NCOR2: variants seen among roughly 807,000 people sequenced by gnomAD.
NCOR2 encodes the protein CTG repeat protein 26.
Under a neutral mutation model 262.9 loss-of-function variants are expected in NCOR2, and 81 were observed. The ratio of observed to expected loss-of-function variants is 0.31; its 90% CI spans 0.26 to 0.37. The LOEUF is 0.37. Among genes scored for constraint, NCOR2 ranks in the 10% least tolerant of loss-of-function variants. The probability of loss-of-function intolerance (pLI) is 1.00; values close to 1 mark genes in which losing one functional copy is unlikely to be tolerated. For synonymous variants in NCOR2, 1,659 were observed against 1,559.3 expected (o/e 1.06, Z -1.51); for missense variants, 3,385 against 3,621.4 (o/e 0.93, Z 1.68).
At chr12:124,486,226 T>C in intron 2 of NCOR2, 1 of 593,362 alleles carries the variant, frequency 1.7e-6, no homozygotes, top group South Asian at 2.2e-5. Flanking sequence ...GCCACTGAAG[T>C]TCCACGCTGG....
At chr12:124,397,435 T>C (rs966956255) in intron 16 of NCOR2, among the ~76,000 whole-genome samples, 12 of 152,082 alleles carry the variant, frequency 7.9e-5, no homozygotes, top group African/African-American at 2.7e-4. Context: ...GGATCCGGCT[T>C]AGGAGGCACT....
intron 8 of NCOR2, among the ~76,000 whole-genome samples, chr12:124,434,006 C>T (rs1253550167): frequency 6.6e-6 from 1 of 152,046 alleles, no homozygotes; most frequent in Non-Finnish European, 1.5e-5. Context: ...GGAGAAGAAG[C>T]AGGCCAGCCA....
intron 22 of NCOR2, among the ~76,000 whole-genome samples, chr12:124,359,654 A>G (rs2038356753): frequency 6.6e-6 from 1 of 152,204 alleles, no homozygotes; most frequent in South Asian, 2.1e-4. Context: ...TGCTTCCTCC[A>G]GCCCAGTTCC....
At chr12:124,551,607 G>A (rs1037272129) in intron 1 of NCOR2, among the ~76,000 whole-genome samples, 1 of 152,188 alleles carries the variant, frequency 6.6e-6, no homozygotes, top group African/African-American at 2.4e-5. Flanking sequence ...TCCCCTGGCC[G>A]CCTCTTTGCC....
intron 20 of NCOR2, among the ~76,000 whole-genome samples, chr12:124,368,961 G>A (rs1379981437): frequency 3.3e-5 from 5 of 152,266 alleles, no homozygotes; most frequent in Non-Finnish European, 7.3e-5. Flanking sequence ...ATGCCAGAGG[G>A]ACAGCTGAAG....
rs770992301 is a variant in NCOR2 at position 124,340,059 on chromosome 12, T to C, written c.5634A>G (p.Thr1878=). The C allele has an allele frequency of 3.7e-6, 6 of 1,612,972 alleles. No individual in the cohort carries two copies. In the Admixed American group the frequency reaches 1.0e-4, roughly 27 times the overall value. Residue 1878 remains threonine, a synonymous_variant, in exon 37 of 47, where the codon ACA becomes ACG. Coordinates refer to ENST00000405201, the Ensembl canonical transcript of NCOR2. ...CAGCGGTGATGATACCCTTCATGCC[T>C]GTGTTGTGAAGCACACTGGGTCTCT...
chr12:124,470,028 TG>T (rs1468862834), intron 4 of NCOR2, among the ~76,000 whole-genome samples: 1 of 151,846 alleles, frequency 6.6e-6, no homozygotes, highest in Non-Finnish European at 1.5e-5. Context: ...TAGCTCGGTG[TG>T]GTGATGCACA....
chr12:124,364,804 T>C (rs1049317991), intron 20 of NCOR2, among the ~76,000 whole-genome samples: 2 of 152,222 alleles, frequency 1.3e-5, no homozygotes, highest in Admixed American at 6.5e-5. Flanking sequence ...GGCTGCCCAG[T>C]TCTTGACTCC....
chr12:124,554,390 C>A lies in NCOR2; in HGVS notation c.-165+12918G>T, dbSNP rs574704618. On this transcript the variant is annotated intron_variant, in intron 1 of 32. Transcript: ENST00000458234. ...GTCATGGCCCTCCAGCCTCCCACCACCCAGCTGGGCATCCAGACAGGGAAT... is the reference window on the plus strand; with the variant it reads ...GTCATGGCCCTCCAGCCTCCCACCAACCAGCTGGGCATCCAGACAGGGAAT... 3.4e-4 allele frequency among the ~76,000 whole-genome samples: 52 copies of A among 151,916 alleles called. 1 individual carries two copies. The highest frequency in any genetic ancestry group is 2.0e-3 in the Admixed American group (31 of 15,304).
chr12:124,328,135 G>C (rs1192268431), intron 44 of NCOR2, among the ~76,000 whole-genome samples: 1 of 152,100 alleles, frequency 6.6e-6, no homozygotes, highest in Non-Finnish European at 1.5e-5. Context: ...GGCTGGCTGG[G>C]GGCTGGGGAA....
intron 44 of NCOR2, 143 bp downstream of exon 46, chr12:124,330,702 T>C: frequency 1.2e-6 from 1 of 864,766 alleles, no homozygotes; most frequent in Non-Finnish European, 1.8e-6. Context: ...CTCTGAATCC[T>C]ACTGTGCGGT....
Position 124,492,585 on chromosome 12 carries a change from C to T in NCOR2, c.105+2562G>A, listed in dbSNP as rs565988309. ...CAGCAGAATGGCCTCGGCTACTGTA[C>T]GAGGAACCAGGACAGCCAGGTTCCC... On this transcript the variant is annotated intron_variant, in intron 1 of 46. Coordinates refer to ENST00000405201, the Ensembl canonical transcript of NCOR2. Among the ~76,000 whole-genome samples, 51 of 152,280 alleles carry T rather than the reference C, an allele frequency of 3.3e-4. 1 individual carries two copies. The highest frequency in any genetic ancestry group is 1.1e-3 in the African/African-American group (44 of 41,560).
intron 1 of NCOR2, among the ~76,000 whole-genome samples, chr12:124,502,859 A>G (rs2048821046): frequency 6.6e-6 from 1 of 152,144 alleles, no homozygotes; most frequent in Admixed American, 6.5e-5. Context: ...GGGCCCCTGT[A>G]ACCCTGAATG....
intron 1 of NCOR2, among the ~76,000 whole-genome samples, chr12:124,528,942 G>T (rs968029671): frequency 6.6e-6 from 1 of 152,228 alleles, no homozygotes; most frequent in Admixed American, 6.5e-5. Flanking sequence ...CAGTTTGGGA[G>T]GCCGAGGCGG....
rs557169037 is a variant in NCOR2 at position 124,439,888 on chromosome 12, C to T, written c.816-1892G>A. ...AAGAAAGGGGACAGGGACCCTGAGACAGGCAAAGGGAGGGAGCCCTGGAGA... is the reference window on the plus strand; with the variant it reads ...AAGAAAGGGGACAGGGACCCTGAGATAGGCAAAGGGAGGGAGCCCTGGAGA... On this transcript the variant is annotated intron_variant, in intron 7 of 46. Transcript: ENST00000405201. 2.0e-5 allele frequency among the ~76,000 whole-genome samples: 3 copies of T among 152,098 alleles called. No individual in the cohort carries two copies. The South Asian group carries it at 6.3e-4, about 32-fold the overall frequency.
intron 4 of NCOR2, among the ~76,000 whole-genome samples, chr12:124,469,803 A>G (rs556126407): frequency 1.3e-5 from 2 of 152,322 alleles, no homozygotes; most frequent in East Asian, 1.9e-4. Context: ...AATCAAAACC[A>G]CAATGAGATA....
At chr12:124,374,520 A>T in intron 18 of NCOR2, 57 bp from the exon 21 acceptor site, 1 of 1,557,084 alleles carries the variant, frequency 6.4e-7, no homozygotes, top group African/African-American at 1.4e-5. Context: ...GTGGGAGGGG[A>T]GGGAGGAGGC....
chr12:124,325,377 G>GCCCCGGC, exon 47 of NCOR2: 2 of 246,786 alleles, frequency 8.1e-6, no homozygotes, highest in Non-Finnish European at 1.3e-5. Flanking sequence ...ACCTGACACC[G>GCCCCGGC]CCCCCCCCCC....
chr12:124,365,819 G>T (rs1329224960), intron 20 of NCOR2, among the ~76,000 whole-genome samples: 2 of 151,836 alleles, frequency 1.3e-5, no homozygotes, highest in African/African-American at 4.8e-5. Flanking sequence ...CCTGGACCTG[G>T]GCCCAGCTGT....
Sources: gnomAD v4.1 joint callset for allele counts (sites outside exome capture counted in the v4.1 genomes callset) on GRCh38, gnomAD v4.1.1 for gene constraint, MANE v1.5 for transcripts, NCBI Gene and HGNC (gene_info 2026-07-23, HGNC 2026-07-21) for gene names.